FER1L6: variants seen among roughly 807,000 people sequenced by gnomAD.
The protein encoded by FER1L6 is fer-1-like protein 6.
Under a neutral mutation model 219.2 loss-of-function variants are expected in FER1L6, and 177 were observed. That is an observed-to-expected ratio of 0.81 (90% CI 0.71 to 0.91). FER1L6 has a LOEUF of 0.91. FER1L6 is among the 40% of genes least tolerant of loss of function. The pLI is 0.00. For synonymous variants in FER1L6, 768 were observed against 824.3 expected (o/e 0.93, Z 1.17); for missense variants, 2,153 against 2,259.9 (o/e 0.95, Z 0.96).
intron 13 of FER1L6, among the ~76,000 whole-genome samples, chr8:124,007,289 C>A (rs923783882): frequency 6.6e-6 from 1 of 151,240 alleles, no homozygotes. Flanking sequence ...TCTCTCTCTC[C>A]CTCTCTCCCT....
chr8:124,073,511 C>A (rs913886642), intron 31 of FER1L6, among the ~76,000 whole-genome samples: 3 of 152,034 alleles, frequency 2.0e-5, no homozygotes, highest in Non-Finnish European at 2.9e-5. Context: ...AGAACACTAA[C>A]AAGTAAAAAA....
At chr8:123,964,052 T>C (rs1815421689) in intron 3 of FER1L6, among the ~76,000 whole-genome samples, 1 of 152,198 alleles carries the variant, frequency 6.6e-6, no homozygotes, top group African/African-American at 2.4e-5. Context: ...GTTCTCTGCA[T>C]GATACCAGAT....
chr8:123,993,428 C>G, intron 12 of FER1L6, among the ~76,000 whole-genome samples: 1 of 136,388 alleles, frequency 7.3e-6, no homozygotes, highest in Non-Finnish European at 1.5e-5. Flanking sequence ...GGCGACAGAG[C>G]GAGACTCCGT....
chr8:123,955,361 T>C (rs1814968733), intron 1 of FER1L6, among the ~76,000 whole-genome samples: 1 of 152,204 alleles, frequency 6.6e-6, no homozygotes, highest in Non-Finnish European at 1.5e-5. Context: ...CTTCTGGGCA[T>C]GTGTCATGTG....
chr8:123,856,011 A>C (rs1167894344), intron 1 of FER1L6, among the ~76,000 whole-genome samples: 1 of 143,718 alleles, frequency 7.0e-6, no homozygotes, highest in Non-Finnish European at 1.5e-5. Flanking sequence ...TGTATATGAG[A>C]TATATGTATA....
At chr8:124,119,016 T>G (rs1823369041) in intron 40 of FER1L6, 72 bp downstream of exon 40, 1 of 1,276,010 alleles carries the variant, frequency 7.8e-7, no homozygotes, top group Admixed American at 1.8e-5. Flanking sequence ...TGTCTGATAA[T>G]GGCATTTCTT....
chr8:123,990,408 A>G (rs1816800381), intron 12 of FER1L6, among the ~76,000 whole-genome samples: 1 of 152,164 alleles, frequency 6.6e-6, no homozygotes, highest in Non-Finnish European at 1.5e-5. Flanking sequence ...ACTTTTTAAT[A>G]ATGGCCCTTC....
rs183497180 is a variant in FER1L6, at chr8:123,966,906, C to A, written c.384+616C>A. On this transcript the variant is annotated intron_variant, in intron 5 of 40. Transcript: ENST00000522917. ...ACCATCCTGGCTAACATGGTGAAAC[C>A]CCATCTCTACTAAAAATACAAAAAA... is the stretch of plus-strand genomic sequence containing the variant. Among the ~76,000 whole-genome samples the A allele has an allele frequency of 5.3e-3, 810 of 152,014 alleles. 5 individuals are homozygous for A. Among genetic ancestry groups the A allele is most frequent in the Non-Finnish European group, 8.1e-3 (553 of 67,974 alleles).
chr8:124,040,021 C>A lies in FER1L6; in HGVS notation c.2589+15C>A, dbSNP rs1426089427. On this transcript the variant is annotated intron_variant, in intron 20 of 40. Transcript: ENST00000522917. ...AGACAACAAAGGTAACCAGGGTAAC[C>A]AAGACAGCCTGCTTCTTTCCTGCAG... 3.2e-5 allele frequency: 52 copies of A among 1,613,774 alleles called. No individual in the cohort carries two copies. The highest frequency in any genetic ancestry group is 4.2e-5 in the Non-Finnish European group (50 of 1,179,918).
intron 1 of FER1L6, among the ~76,000 whole-genome samples, chr8:123,930,366 G>A (rs1462560615): frequency 6.6e-6 from 1 of 151,128 alleles, no homozygotes; most frequent in Admixed American, 6.6e-5. Context: ...TTTGTCTCAT[G>A]TGTTCTTGGT....
At chr8:123,861,127 A>ATCC (rs1816738134) in intron 1 of FER1L6, among the ~76,000 whole-genome samples, 1 of 110,112 alleles carries the variant, frequency 9.1e-6, no homozygotes, top group Admixed American at 9.6e-5. Flanking sequence ...CTAACGTTTA[A>ATCC]ATCTTTAATC....
intron 20 of FER1L6, among the ~76,000 whole-genome samples, chr8:124,043,410 T>A (rs1374853578): frequency 6.6e-6 from 1 of 152,184 alleles, no homozygotes; most frequent in Non-Finnish European, 1.5e-5. Flanking sequence ...GGCTCCATCA[T>A]CAAAATGTTA....
chr8:123,855,473 A>G (rs1231149391), intron 1 of FER1L6, among the ~76,000 whole-genome samples: 8 of 152,080 alleles, frequency 5.3e-5, no homozygotes, highest in Non-Finnish European at 7.4e-5. Context: ...AGGGTTGGTT[A>G]GAGCCCACTG....
chr8:124,009,277 C>CT (rs1235178168), intron 13 of FER1L6, among the ~76,000 whole-genome samples: 34 of 151,836 alleles, frequency 2.2e-4, no homozygotes, highest in East Asian at 3.9e-4. Flanking sequence ...AAATTAAGTA[C>CT]TTTTTTTTTG....
At chr8:123,928,960 C>G (rs13268486) in intron 1 of FER1L6, among the ~76,000 whole-genome samples, 61,720 of 151,906 alleles carry the variant, frequency 0.41, 12,891 homozygotes, top group South Asian at 0.52. Flanking sequence ...ACTTAATTAC[C>G]AGTGAAATAG....
At chr8:123,976,338 T>G (rs1229931251) in intron 9 of FER1L6, among the ~76,000 whole-genome samples, 1 of 151,938 alleles carries the variant, frequency 6.6e-6, no homozygotes, top group Non-Finnish European at 1.5e-5. Context: ...CTGTCTCAAC[T>G]AAAAACACAC....
At chr8:124,031,137 G>A (rs1453779985) in intron 18 of FER1L6, among the ~76,000 whole-genome samples, 2 of 152,086 alleles carry the variant, frequency 1.3e-5, no homozygotes, top group African/African-American at 4.8e-5. Flanking sequence ...GAAGGAGAGT[G>A]GGGAAGCAGG....
chr8:123,861,229 TA>T lies in FER1L6; in HGVS notation c.-8+9047del, dbSNP rs1352110048. On this transcript the variant is annotated intron_variant, in intron 1 of 40. Coordinates refer to ENST00000522917, the MANE Select transcript of FER1L6 (RefSeq NM_001039112.2). The stretch of plus-strand genomic sequence containing the variant: ...AGCCAGTTTTCCCAGCACCATTTAT[TA>T]AATAGGGAATCCTTTCCCCATTGCT... Among the ~76,000 whole-genome samples, 4 of 123,590 alleles carry T rather than the reference TA, an allele frequency of 3.2e-5. No homozygotes were observed. The East Asian group carries it at 9.3e-4, about 29-fold the overall frequency. The allele number at this position is 123,590 out of a possible 152,430, so 81.1% of individuals were successfully genotyped here.
chr8:124,023,403 A>G (rs1274972169), intron 17 of FER1L6, 41 bp from the exon 18 acceptor site: 1 of 1,593,092 alleles, frequency 6.3e-7, no homozygotes, highest in Non-Finnish European at 8.6e-7. Flanking sequence ...AACCTTTCAA[A>G]TCCCATTCCT....
Sources: allele counts gnomAD v4.1 joint callset (sites outside exome capture counted in the v4.1 genomes callset), GRCh38; gene constraint gnomAD v4.1.1; transcripts MANE v1.5; gene names NCBI Gene and HGNC (gene_info 2026-07-23, HGNC 2026-07-21).